Variants in UAP1 observed in about 807,000 individuals in gnomAD.
UAP1 encodes UDP-N-acetylglucosamine pyrophosphorylase 1, also known as UDP-N-acetylhexosamine pyrophosphorylase.
Under a neutral mutation model 58.5 loss-of-function variants are expected in UAP1, and 25 were observed. The observed-to-expected ratio is 0.43, with a 90% CI of 0.31 to 0.60. The LOEUF (loss-of-function observed/expected upper bound fraction) is 0.60, where lower values mean the gene tolerates loss of function less well. Ranked by LOEUF, UAP1 falls within the 20% of genes least tolerant of loss-of-function variation. The pLI is 0.11. For missense variants in UAP1, 575 were observed against 630.0 expected (o/e 0.91, Z 0.93); for synonymous variants, 208 against 213.0 (o/e 0.98, Z 0.21).
rs531603891 is a variant in UAP1, at chr1:162,587,851, G to T, written c.1028+183G>T. 2.6e-5 allele frequency: 15 copies of T among 583,758 alleles called. 1 individual carries two copies. Among genetic ancestry groups the T allele is most frequent in the African/African-American group, 2.2e-4 (12 of 53,886 alleles). The allele number at this position is 583,758 out of a possible 1,614,324, so 36.2% of individuals were successfully genotyped here. ...TTTTAGTAAGATGTATTGTAAGGTG[G>T]GAATCATCGGAGCCCATTCCCCAGC... On this transcript the variant is annotated intron_variant, in intron 6 of 10. Coordinates refer to ENST00000271469, the Ensembl canonical transcript of UAP1.
intron 8 of UAP1, 37 bp downstream of exon 8, chr1:162,590,548 T>A: frequency 2.6e-6 from 4 of 1,527,144 alleles, no homozygotes; most frequent in Non-Finnish European, 3.5e-6. Flanking sequence ...ATGAATCCTT[T>A]CTTGGACTTT....
At chr1:162,585,794 A>G (rs1347102292) in intron 5 of UAP1, among the ~76,000 whole-genome samples, 1 of 152,050 alleles carries the variant, frequency 6.6e-6, no homozygotes, top group Non-Finnish European at 1.5e-5. Flanking sequence ...TAAAAAAAAA[A>G]AAGAGAGAGA....
chr1:162,584,369 C>T (rs1439562809), intron 5 of UAP1, among the ~76,000 whole-genome samples: 2 of 152,180 alleles, frequency 1.3e-5, no homozygotes, highest in African/African-American at 4.8e-5. Flanking sequence ...TAATTGCTCC[C>T]CTGCCCTTTT....
At chr1:162,577,829 CTTGAA>C (rs1654300559) in intron 3 of UAP1, among the ~76,000 whole-genome samples, 1 of 151,972 alleles carries the variant, frequency 6.6e-6, no homozygotes, top group Non-Finnish European at 1.5e-5. Flanking sequence ...TCAAGCTGGT[CTTGAA>C]CTCCTGACCT....
chr1:162,566,747 C>T (rs2101731255), intron 2 of UAP1, among the ~76,000 whole-genome samples: 1 of 152,260 alleles, frequency 6.6e-6, no homozygotes, highest in African/African-American at 2.4e-5. Flanking sequence ...CTGCCTCAGC[C>T]TCCCAAGTAG....
chr1:162,597,978 A>G (rs1655707447), intron 10 of UAP1, 120 bp downstream of exon 10: 2 of 851,906 alleles, frequency 2.3e-6, no homozygotes, highest in South Asian at 1.7e-5. Flanking sequence ...GAGGTGATAG[A>G]TATGTTAATT....
chr1:162,582,334 AG>A (rs1448715031), intron 5 of UAP1, among the ~76,000 whole-genome samples: 1 of 152,144 alleles, frequency 6.6e-6, no homozygotes, highest in Non-Finnish European at 1.5e-5. Context: ...AAGATAAGGG[AG>A]GAAAGGGGGC....
At chr1:162,600,913 G>A (rs983075643), downstream of UAP1, among the ~76,000 whole-genome samples, 6 of 152,196 alleles carry the variant, frequency 3.9e-5, no homozygotes, top group Admixed American at 2.0e-4. Flanking sequence ...GGTATGATCC[G>A]TTTCTTTTTT....
intron 5 of UAP1, among the ~76,000 whole-genome samples, chr1:162,583,632 T>G (rs1355405493): frequency 1.3e-5 from 2 of 152,012 alleles, no homozygotes; most frequent in East Asian, 3.9e-4. Context: ...GTTTGTTTAT[T>G]TATTTATTTA....
intron 8 of UAP1, among the ~76,000 whole-genome samples, chr1:162,592,298 A>T (rs981872029): frequency 1.3e-5 from 2 of 152,182 alleles, no homozygotes; most frequent in Non-Finnish European, 2.9e-5. Flanking sequence ...CTGAGGCAGG[A>T]GAATTGCTTG....
Position 162,576,962 on chromosome 1 carries a change from A to C in UAP1, c.466A>C (p.Asn156His). ...GCAGGTTGCTGAAAAATATTATGGCAACAAATGCATTATTCCATGGTAAGA... is the reference window on the plus strand; with the variant it reads ...GCAGGTTGCTGAAAAATATTATGGCCACAAATGCATTATTCCATGGTAAGA... Residue 156 changes from asparagine to histidine, a missense_variant, in exon 3 of 11, where the codon AAC becomes CAC. Coordinates refer to ENST00000271469, the Ensembl canonical transcript of UAP1. 1.9e-6 allele frequency: 3 copies of C among 1,614,164 alleles called. No homozygotes were observed. In the South Asian group the frequency reaches 3.3e-5, roughly 18 times the overall value.
At chr1:162,581,218 G>T in intron 4 of UAP1, 69 bp from the exon 5 acceptor site, 1 of 1,488,228 alleles carries the variant, frequency 6.7e-7, no homozygotes, top group South Asian at 1.4e-5. Flanking sequence ...ACCCTAGTTT[G>T]GAAACAATCT....
chr1:162,597,605 GACCT>G, intron 9 of UAP1, 183 bp from the exon 10 acceptor site: 1 of 526,442 alleles, frequency 1.9e-6, no homozygotes. Flanking sequence ...GTGTCCTTCT[GACCT>G]GAGAATTTCA....
intron 2 of UAP1, among the ~76,000 whole-genome samples, chr1:162,570,127 T>C (rs79433763): frequency 0.14 from 20,614 of 149,872 alleles, 1,524 homozygotes; most frequent in Middle Eastern, 0.16. Context: ...CCAGCCTGGT[T>C]GACAGAGCGA....
chr1:162,576,874 T>C lies in UAP1; in HGVS notation c.378T>C (p.Asp126=), dbSNP rs1259434680. 3.1e-6 allele frequency: 5 copies of C among 1,614,076 alleles called. No individual in the cohort carries two copies. The African/African-American group carries it at 5.3e-5, about 17-fold the overall frequency. Residue 126 remains aspartate, a synonymous_variant, in exon 3 of 11, where the codon GAT becomes GAC. Coordinates refer to ENST00000271469, the Ensembl canonical transcript of UAP1. ...TTGCATATCCTAAGGGGATGTATGA[T>C]GTTGGTTTGCCATCCCGTAAGACAC...
At chr1:162,572,810 A>T (rs1248499758) in intron 2 of UAP1, among the ~76,000 whole-genome samples, 1 of 152,176 alleles carries the variant, frequency 6.6e-6, no homozygotes, top group Non-Finnish European at 1.5e-5. Context: ...ATCCCACTTA[A>T]TGTGATTATA....
intron 2 of UAP1, among the ~76,000 whole-genome samples, chr1:162,573,763 G>A (rs979487419): frequency 3.3e-5 from 5 of 151,986 alleles, no homozygotes; most frequent in African/African-American, 9.7e-5. Context: ...CCAGGAGTTC[G>A]AGACCAGCCT....
chr1:162,601,003 A>G (rs540538306), downstream of UAP1, among the ~76,000 whole-genome samples: 4 of 152,294 alleles, frequency 2.6e-5, no homozygotes, highest in African/African-American at 9.6e-5. Flanking sequence ...TAGTGATGCT[A>G]GGAAAAGGGA....
chr1:162,576,948 A>G, exon 3 of UAP1: 1 of 1,614,202 alleles, frequency 6.2e-7, no homozygotes, highest in Non-Finnish European at 8.5e-7. Flanking sequence ...CAGGTTGCTG[A>G]AAAATATTAT....
Sources: gnomAD v4.1 joint callset for allele counts (sites outside exome capture counted in the v4.1 genomes callset) on GRCh38, gnomAD v4.1.1 for gene constraint, MANE v1.5 for transcripts, NCBI Gene and HGNC (gene_info 2026-07-23, HGNC 2026-07-21) for gene names.